Variants in PBX1 observed in about 807,000 individuals in gnomAD.
PBX1 encodes pre-B-cell leukemia transcription factor 1.
PBX1 carries 6 observed loss-of-function variants against 53.4 expected under a neutral mutation model. The ratio of observed to expected loss-of-function variants is 0.11; its 90% CI spans 0.06 to 0.22. The LOEUF (loss-of-function observed/expected upper bound fraction) is 0.22. PBX1 is among the 10% of genes least tolerant of loss of function. PBX1 has a pLI of 1.00. For synonymous variants in PBX1, 204 were observed against 212.3 expected (o/e 0.96, Z 0.34); for missense variants, 251 against 551.4 (o/e 0.46, Z 5.46).
chr1:164,818,636 T>A (rs1000636852), intron 6 of PBX1: 1 of 152,056 alleles, frequency 6.6e-6, no homozygotes. Flanking sequence ...ATTGGAGTTT[T>A]TTTTTTTTTT....
chr1:164,766,732 TTA>T lies in PBX1; in HGVS notation c.266-25760_266-25759del, dbSNP rs563832038. 1.5e-3 allele frequency among the ~76,000 whole-genome samples: 186 copies of T among 121,268 alleles called. No individual in the cohort carries two copies. The Middle Eastern group carries it at 0.028, about 18-fold the overall frequency. 79.6% of individuals were successfully genotyped at this position (121,268 alleles called of 152,430 possible). On this transcript the variant is annotated intron_variant, in intron 2 of 8. Coordinates refer to ENST00000420696, the MANE Select transcript of PBX1 (RefSeq NM_002585.4). The stretch of plus-strand genomic sequence containing the variant: ...CTTTCCTTTTCTTTTATTTATTTAT[TTA>T]TTTATTTTTTTTTTTTTGAGACAGA...
chr1:164,652,863 C>T (rs1330652869), intron 2 of PBX1, among the ~76,000 whole-genome samples: 2 of 147,536 alleles, frequency 1.4e-5, no homozygotes, highest in African/African-American at 5.2e-5. Flanking sequence ...TTTATTTTTG[C>T]CTGTTTAAAC....
At chr1:164,600,854 C>T (rs1656120883) in intron 2 of PBX1, among the ~76,000 whole-genome samples, 1 of 152,186 alleles carries the variant, frequency 6.6e-6, no homozygotes, top group Non-Finnish European at 1.5e-5. Context: ...ATCCAAACAA[C>T]TCACTTCTAA....
At chr1:164,590,750 A>G (rs1655315914) in intron 2 of PBX1, among the ~76,000 whole-genome samples, 1 of 152,164 alleles carries the variant, frequency 6.6e-6, no homozygotes, top group East Asian at 1.9e-4. Flanking sequence ...TAAACCAAAT[A>G]AAGAGCAAAG....
rs140545830 is a variant in PBX1 at position 164,735,710 on chromosome 1, A to C, written c.266-56784A>C. 6.1e-3 allele frequency among the ~76,000 whole-genome samples: 933 copies of C among 152,332 alleles called. 15 individuals carry two copies. Among genetic ancestry groups the C allele is most frequent in the South Asian group, 0.057 (277 of 4,820 alleles). ...CGTCAGTGCTGAGGACCACATGACC[A>C]TTAACTCTGCAATCAGGACAAGTTT... On this transcript the variant is annotated intron_variant, in intron 2 of 8. Transcript: ENST00000420696.
At chr1:164,633,738 A>T (rs1658563141) in intron 2 of PBX1, among the ~76,000 whole-genome samples, 1 of 152,146 alleles carries the variant, frequency 6.6e-6, no homozygotes, top group South Asian at 2.1e-4. Context: ...GTTGTTTTGG[A>T]CACATTATTT....
At chr1:164,755,739 C>G (rs1220353154) in intron 2 of PBX1, among the ~76,000 whole-genome samples, 1 of 152,040 alleles carries the variant, frequency 6.6e-6, no homozygotes, top group Non-Finnish European at 1.5e-5. Context: ...ATGAGACTTC[C>G]AAGGCTGAGG....
chr1:164,807,373 G>A (rs1669410388), intron 4 of PBX1, among the ~76,000 whole-genome samples, 169 bp from the exon 5 acceptor site: 1 of 152,214 alleles, frequency 6.6e-6, no homozygotes. Flanking sequence ...GAAGTATTGA[G>A]CAAATGCTTT....
rs768695909 is a variant in PBX1, at chr1:164,846,714, A to C, written c.*38A>C. 4 of 1,613,876 alleles carry C rather than the reference A, an allele frequency of 2.5e-6. No homozygotes were observed. In the Admixed American group the frequency reaches 6.7e-5, roughly 27 times the overall value. ...CGCATCCCGGCTGACCCTGTGCCCC[A>C]GTTGGGGCAGGGGCAGGAGGGAGGG... On this transcript the variant is annotated 3_prime_UTR_variant, in exon 9 of 9. Transcript: ENST00000420696.
chr1:164,712,739 G>GA (rs935990828), intron 2 of PBX1, among the ~76,000 whole-genome samples: 3 of 152,162 alleles, frequency 2.0e-5, no homozygotes, highest in African/African-American at 7.2e-5. Flanking sequence ...CAAAGGAAGG[G>GA]AAGTGACTGT....
chr1:164,590,340 G>A (rs1251537751), intron 2 of PBX1: 1 of 455,836 alleles, frequency 2.2e-6, no homozygotes, highest in Non-Finnish European at 4.4e-6. Context: ...CTACCACAGG[G>A]CTCTCCTGCA....
At chr1:164,734,283 T>G (rs1401029755) in intron 2 of PBX1, among the ~76,000 whole-genome samples, 2 of 152,242 alleles carry the variant, frequency 1.3e-5, no homozygotes, top group Non-Finnish European at 2.9e-5. Flanking sequence ...GAAGCATTTC[T>G]TGTATACAAT....
intron 8 of PBX1, among the ~76,000 whole-genome samples, chr1:164,834,600 C>T (rs1237693966): frequency 6.6e-6 from 1 of 152,190 alleles, no homozygotes; most frequent in Non-Finnish European, 1.5e-5. Flanking sequence ...CCACTTCAGT[C>T]TCCCAAAGTG....
chr1:164,753,722 A>T (rs537622420), intron 2 of PBX1, among the ~76,000 whole-genome samples: 2 of 152,164 alleles, frequency 1.3e-5, no homozygotes, highest in South Asian at 4.2e-4. Flanking sequence ...GGCTTGGGGG[A>T]CGAGCATAAT....
chr1:164,863,622 C>T (rs533163177), intron 2 of PBX1, among the ~76,000 whole-genome samples: 3 of 152,296 alleles, frequency 2.0e-5, no homozygotes, highest in African/African-American at 7.2e-5. Flanking sequence ...ACGGGGTCAA[C>T]AATGTCTTCT....
rs560417847 is a variant in PBX1 at position 164,644,543 on chromosome 1, C to T, written c.265+81232C>T. On this transcript the variant is annotated intron_variant, in intron 2 of 8. Coordinates refer to ENST00000420696, the MANE Select transcript of PBX1 (RefSeq NM_002585.4). ...AAATCAGGCAAAACAATTCCTAAAT[C>T]TAAAACGTTTATCAGCTTTTGTTTT... Among the ~76,000 whole-genome samples, 5 of 151,390 alleles carry T rather than the reference C, an allele frequency of 3.3e-5. No homozygotes were observed. The East Asian group carries it at 9.7e-4, about 29-fold the overall frequency.
At chr1:164,815,779 C>T (rs1669852002) in intron 6 of PBX1, 1 of 152,204 alleles carries the variant, frequency 6.6e-6, no homozygotes, top group Non-Finnish European at 1.5e-5. Context: ...ATTAAGTTCA[C>T]CTGGTCTCTC....
intron 2 of PBX1, among the ~76,000 whole-genome samples, chr1:164,734,297 C>A (rs1464188141): frequency 6.6e-6 from 1 of 152,116 alleles, no homozygotes; most frequent in Non-Finnish European, 1.5e-5. Context: ...ATACAATGAA[C>A]CCGAATCAAC....
At chr1:164,710,613 G>A (rs1187391292) in intron 2 of PBX1, among the ~76,000 whole-genome samples, 2 of 152,058 alleles carry the variant, frequency 1.3e-5, no homozygotes, top group African/African-American at 4.8e-5. Flanking sequence ...GTTTCTCCAT[G>A]TTGGTCAGGC....
Sources: allele counts gnomAD v4.1 joint callset (sites outside exome capture counted in the v4.1 genomes callset), GRCh38; gene constraint gnomAD v4.1.1; transcripts MANE v1.5; gene names NCBI Gene and HGNC (gene_info 2026-07-23, HGNC 2026-07-21).